FHIT: variants seen among roughly 807,000 people sequenced by gnomAD.
FHIT encodes the protein bis(5'-adenosyl)-triphosphatase.
A neutral mutation model predicts 17.9 loss-of-function variants in FHIT; 19 were observed. The observed-to-expected ratio is 1.06, with a 90% CI of 0.74 to 1.56. FHIT has a LOEUF of 1.56. FHIT is among the 40% of genes most tolerant of loss of function. FHIT has a pLI of 0.00. For missense variants in FHIT, 248 were observed against 189.2 expected, an observed-to-expected ratio of 1.31 and a Z score of -1.82; for synonymous variants, 81 against 69.7, an observed-to-expected ratio of 1.16 and a Z score of -0.81.
At chr3:60,839,014 A>G (rs1553744368) in intron 3 of FHIT, among the ~76,000 whole-genome samples, 1 of 152,016 alleles carries the variant, frequency 6.6e-6, no homozygotes, top group East Asian at 1.9e-4. Flanking sequence ...AATCTGTGAG[A>G]CTGAATGCCT....
intron 5 of FHIT, among the ~76,000 whole-genome samples, chr3:60,439,854 C>T (rs972090803): frequency 5.9e-5 from 9 of 152,074 alleles, no homozygotes; most frequent in African/African-American, 1.9e-4. Context: ...CAAAAGTACA[C>T]CCCTTCTTTC....
At position 60,522,106 on chromosome 3, in the gene FHIT, G is replaced by GTTTT. The variant is rs372184170; in HGVS notation, c.103+14750_103+14753dup. The stretch of plus-strand genomic sequence containing the variant: ...AAAGAAACAGCAACAGCAACCAGAA[G>GTTTT]TTTTTTTTTTTTTTTTTTCTGACAC... On this transcript the variant is annotated intron_variant, in intron 5 of 9. Transcript: ENST00000492590. Among the ~76,000 whole-genome samples the GTTTT allele has an allele frequency of 1.0e-3, 135 of 133,284 alleles. 14 individuals are homozygous for GTTTT. Among genetic ancestry groups the GTTTT allele is most frequent in the Non-Finnish European group, 1.2e-3 (78 of 64,158 alleles). 87.4% of individuals were successfully genotyped at this position (133,284 alleles called of 152,430 possible). A position where few individuals can be genotyped will look rare whatever the true frequency, so the allele number is the denominator to read the frequency against.
intron 4 of FHIT, among the ~76,000 whole-genome samples, chr3:60,726,590 GA>G (rs2041920972): frequency 6.6e-6 from 1 of 152,158 alleles, no homozygotes; most frequent in African/African-American, 2.4e-5. Context: ...CTTTATGGCA[GA>G]AAAGTCAGTC....
chr3:60,898,305 A>G (rs6446160), intron 3 of FHIT, among the ~76,000 whole-genome samples: 35,090 of 152,106 alleles, frequency 0.23, 4,248 homozygotes, highest in Middle Eastern at 0.3. Context: ...ATCGTAAACA[A>G]CTCTGAGAAA....
chr3:60,593,624 T>G (rs1156912566), intron 4 of FHIT, among the ~76,000 whole-genome samples: 6 of 152,144 alleles, frequency 3.9e-5, no homozygotes, highest in Non-Finnish European at 7.4e-5. Context: ...GTATGTTAAC[T>G]GCAAATGGCT....
intron 5 of FHIT, among the ~76,000 whole-genome samples, chr3:60,347,681 G>C (rs1479542575): frequency 6.9e-6 from 1 of 144,606 alleles, no homozygotes; most frequent in Admixed American, 6.9e-5. Context: ...GGTTTGGGGG[G>C]GGGGGGGGTT....
intron 5 of FHIT, among the ~76,000 whole-genome samples, chr3:60,338,809 C>A (rs576313188): frequency 4.6e-5 from 7 of 152,198 alleles, no homozygotes; most frequent in African/African-American, 1.7e-4. Context: ...CCAACTGATA[C>A]GCAAAACACC....
At chr3:60,951,023 A>G (rs562281820) in intron 3 of FHIT, among the ~76,000 whole-genome samples, 4 of 152,340 alleles carry the variant, frequency 2.6e-5, no homozygotes, top group Admixed American at 6.5e-5. Context: ...ATTATCCTCT[A>G]AAGACTTGGA....
chr3:60,749,548 G>A (rs1198996985), intron 4 of FHIT, among the ~76,000 whole-genome samples: 2 of 152,144 alleles, frequency 1.3e-5, no homozygotes, highest in Non-Finnish European at 2.9e-5. Flanking sequence ...GGAACTAATG[G>A]TGACTTAAAA....
At chr3:61,030,303 T>C (rs2032948836) in intron 3 of FHIT, among the ~76,000 whole-genome samples, 1 of 152,206 alleles carries the variant, frequency 6.6e-6, no homozygotes, top group African/African-American at 2.4e-5. Context: ...CCCCAGGTAA[T>C]TCCTTTAAAG....
rs539910921 is a variant in FHIT at position 61,068,668 on chromosome 3, C to T, written c.-163-26569G>A. ...GGTGTAGATATCTTTGGGGGGAGGGCGCATGATTCTACCTACCACACCAGT... is the reference window on the plus strand; with the variant it reads ...GGTGTAGATATCTTTGGGGGGAGGGTGCATGATTCTACCTACCACACCAGT... On this transcript the variant is annotated intron_variant, in intron 2 of 9. Transcript: ENST00000492590. 5.4e-5 allele frequency among the ~76,000 whole-genome samples: 8 copies of T among 148,746 alleles called. No individual in the cohort carries two copies. The South Asian group carries it at 8.7e-4, about 16-fold the overall frequency.
At chr3:60,029,204 G>A (rs768752259) in intron 5 of FHIT, among the ~76,000 whole-genome samples, 3 of 152,232 alleles carry the variant, frequency 2.0e-5, no homozygotes, top group East Asian at 1.9e-4. Flanking sequence ...AGAGAAAAAC[G>A]TTAAAGGTCA....
intron 5 of FHIT, among the ~76,000 whole-genome samples, chr3:60,067,589 T>C (rs1702572279): frequency 6.6e-6 from 1 of 152,198 alleles, no homozygotes; most frequent in Non-Finnish European, 1.5e-5. Context: ...TCATCACAGC[T>C]TAACTTATCA....
Position 60,325,378 on chromosome 3 carries a change from T to C in FHIT, c.103+211482A>G, listed in dbSNP as rs77439816. Reference sequence around the variant, plus strand: ...AATATGCAGTATGAGTATTAGAGTTTGAAATGTTTAAAAGTTTCTTTACAC... The same window carrying C: ...AATATGCAGTATGAGTATTAGAGTTCGAAATGTTTAAAAGTTTCTTTACAC... On this transcript the variant is annotated intron_variant, in intron 5 of 9. Transcript: ENST00000492590. Among the ~76,000 whole-genome samples the C allele has an allele frequency of 4.0e-3, 608 of 152,300 alleles. 4 individuals are homozygous for C. The highest frequency in any genetic ancestry group is 0.014 in the African/African-American group (583 of 41,568).
chr3:60,603,921 T>A (rs2038525097), intron 4 of FHIT, among the ~76,000 whole-genome samples: 1 of 152,190 alleles, frequency 6.6e-6, no homozygotes, highest in Non-Finnish European at 1.5e-5. Flanking sequence ...GCCACCATAC[T>A]TTATAGGTAT....
chr3:60,800,694 G>A (rs1553731938), intron 4 of FHIT, among the ~76,000 whole-genome samples: 1 of 152,196 alleles, frequency 6.6e-6, no homozygotes, highest in Non-Finnish European at 1.5e-5. Flanking sequence ...GGAGTAGGAT[G>A]GGCCAGGGAA....
intron 3 of FHIT, among the ~76,000 whole-genome samples, chr3:60,852,065 C>A (rs541324956): frequency 6.6e-6 from 1 of 152,168 alleles, no homozygotes; most frequent in South Asian, 2.1e-4. Context: ...TCAACAGATG[C>A]AGTAAAGCAA....
At chr3:60,541,184 C>T (rs2107607022) in intron 4 of FHIT, among the ~76,000 whole-genome samples, 1 of 152,334 alleles carries the variant, frequency 6.6e-6, no homozygotes, top group South Asian at 2.1e-4. Context: ...CTAAGACAGT[C>T]AACTCTACAA....
At chr3:60,881,534 C>A (rs1469903865) in intron 3 of FHIT, among the ~76,000 whole-genome samples, 1 of 152,056 alleles carries the variant, frequency 6.6e-6, no homozygotes, top group Non-Finnish European at 1.5e-5. Flanking sequence ...ACAAAGGCCA[C>A]AAAATAAGTC....
Sources: allele counts gnomAD v4.1 joint callset (sites outside exome capture counted in the v4.1 genomes callset), GRCh38; gene constraint gnomAD v4.1.1; transcripts MANE v1.5; gene names NCBI Gene and HGNC (gene_info 2026-07-23, HGNC 2026-07-21).